Variants in IGF1R observed in about 807,000 individuals in gnomAD.
IGF1R encodes insulin like growth factor 1 receptor.
A neutral mutation model predicts 144.6 loss-of-function variants in IGF1R; 44 were observed. The ratio of observed to expected loss-of-function variants is 0.30; its 90% confidence interval spans 0.24 to 0.39. The LOEUF (loss-of-function observed/expected upper bound fraction) is 0.39, where lower values mean the gene tolerates loss of function less well. Ranked by LOEUF, IGF1R falls within the 10% of genes least tolerant of loss-of-function variation. IGF1R has a pLI of 1.00. For missense variants in IGF1R, 1,355 were observed against 1,833.7 expected (o/e 0.74, Z 4.77); for synonymous variants, 795 against 722.8 (o/e 1.10, Z -1.60).
chr15:98,671,162 A>T (rs879228441), intron 1 of IGF1R, among the ~76,000 whole-genome samples: 2 of 152,134 alleles, frequency 1.3e-5, no homozygotes, highest in African/African-American at 2.4e-5. Flanking sequence ...TCCCCCTCCA[A>T]ATCTGCATGT....
chr15:98,726,059 C>G (rs765356928), intron 2 of IGF1R, among the ~76,000 whole-genome samples: 9 of 152,184 alleles, frequency 5.9e-5, no homozygotes, highest in Admixed American at 2.0e-4. Context: ...GGACTGTGTT[C>G]GTGATCATGA....
At chr15:98,651,249 T>C (rs916005383) in intron 1 of IGF1R, among the ~76,000 whole-genome samples, 2 of 152,184 alleles carry the variant, frequency 1.3e-5, no homozygotes, top group African/African-American at 4.8e-5. Context: ...CTTAAACGTC[T>C]GGTAAGAAAT....
At chr15:98,820,840 TTACGGAA>T (rs1278310831) in intron 2 of IGF1R, 1 of 152,222 alleles carries the variant, frequency 6.6e-6, no homozygotes, top group African/African-American at 2.4e-5. Flanking sequence ...TACGTTTGAA[TTACGGAA>T]CACCTCTCTT....
At chr15:98,798,820 G>A (rs1246722113) in intron 2 of IGF1R, among the ~76,000 whole-genome samples, 1 of 152,148 alleles carries the variant, frequency 6.6e-6, no homozygotes, top group Non-Finnish European at 1.5e-5. Flanking sequence ...TATATGGGGG[G>A]TGAGATGGCA....
At chr15:98,719,789 C>T (rs2054204933) in intron 2 of IGF1R, among the ~76,000 whole-genome samples, 1 of 152,266 alleles carries the variant, frequency 6.6e-6, no homozygotes. Flanking sequence ...GGACTTGAGA[C>T]CCTTGACTTG....
rs1451794305 is a variant in IGF1R at position 98,924,583 on chromosome 15, A to G, written c.2681A>G (p.Asn894Ser). Reference sequence around the variant, plus strand: ...AGGAAGTATGGAGGGGCCAAGCTAAACCGGCTAAACCCGGGGAACTACACA... The same window carrying G: ...AGGAAGTATGGAGGGGCCAAGCTAAGCCGGCTAAACCCGGGGAACTACACA... ...EYRKYGGAKL[N>S]RLNPGNYTAR... The change falls in exon 13 of 21, where the codon AAC becomes AGC. Residue 894 changes from asparagine to serine, a missense_variant. Asn to Ser is a conservative substitution (Grantham distance 46). Transcript: ENST00000650285. 1 of 1,613,992 alleles carries G rather than the reference A, an allele frequency of 6.2e-7. No homozygotes were observed. Among genetic ancestry groups the G allele is most frequent in the South Asian group, 1.1e-5 (1 of 91,066 alleles).
intron 2 of IGF1R, among the ~76,000 whole-genome samples, chr15:98,743,577 A>G (rs916803949): frequency 2.6e-5 from 4 of 152,216 alleles, no homozygotes; most frequent in African/African-American, 9.7e-5. Flanking sequence ...AATAATGTGG[A>G]AAGGGTTTGG....
At chr15:98,939,490 T>C in intron 18 of IGF1R, 130 bp downstream of exon 18, 1 of 865,692 alleles carries the variant, frequency 1.2e-6, no homozygotes, top group South Asian at 1.4e-5. Context: ...TTCTTGGGAA[T>C]GATGTGATTG....
intron 2 of IGF1R, among the ~76,000 whole-genome samples, chr15:98,806,241 G>A (rs1423464318): frequency 1.3e-5 from 2 of 152,118 alleles, no homozygotes; most frequent in Non-Finnish European, 2.9e-5. Flanking sequence ...AGTGGCACAG[G>A]GCGAGGTGTG....
chr15:98,683,937 C>G (rs925297834), intron 1 of IGF1R, among the ~76,000 whole-genome samples: 11 of 152,134 alleles, frequency 7.2e-5, no homozygotes, highest in African/African-American at 2.7e-4. Flanking sequence ...GTCCTAATCA[C>G]CTGGCGGGCG....
chr15:98,726,755 T>C (rs2054371976), intron 2 of IGF1R, among the ~76,000 whole-genome samples: 1 of 150,082 alleles, frequency 6.7e-6, no homozygotes, highest in African/African-American at 2.5e-5. Context: ...GTCTTGCTCT[T>C]GTCACCCCGG....
intron 2 of IGF1R, among the ~76,000 whole-genome samples, chr15:98,766,474 T>C (rs945825473): frequency 9.8e-5 from 15 of 152,352 alleles, no homozygotes; most frequent in Non-Finnish European, 2.1e-4. Context: ...CTTTGATTCA[T>C]TGAAAGATAA....
intron 11 of IGF1R, among the ~76,000 whole-genome samples, chr15:98,922,634 C>T (rs1221221909): frequency 6.6e-6 from 1 of 152,224 alleles, no homozygotes; most frequent in Non-Finnish European, 1.5e-5. Context: ...TGACACCACT[C>T]CCAGCTTGGT....
intron 1 of IGF1R, among the ~76,000 whole-genome samples, chr15:98,693,968 G>A (rs2053540010): frequency 6.6e-6 from 1 of 152,192 alleles, no homozygotes; most frequent in Non-Finnish European, 1.5e-5. Flanking sequence ...CTGTACTTGT[G>A]CTATCCTAAA....
intron 18 of IGF1R, among the ~76,000 whole-genome samples, chr15:98,940,803 G>A (rs1184197128): frequency 3.9e-5 from 6 of 152,180 alleles, no homozygotes; most frequent in South Asian, 2.1e-4. Context: ...ACATCCCTCC[G>A]TCATCAGAGT....
chr15:98,668,540 T>C (rs569095717), intron 1 of IGF1R, among the ~76,000 whole-genome samples: 33 of 152,354 alleles, frequency 2.2e-4, no homozygotes, highest in African/African-American at 7.9e-4. Context: ...ACCCCAGTGC[T>C]TTCCTTAAAG....
intron 2 of IGF1R, among the ~76,000 whole-genome samples, chr15:98,802,073 A>G (rs1381977252): frequency 6.6e-6 from 1 of 152,006 alleles, no homozygotes; most frequent in Non-Finnish European, 1.5e-5. Flanking sequence ...GCCCCTTTTC[A>G]ACCTTGAGTG....
intron 1 of IGF1R, chr15:98,650,876 G>T (rs2052345923): frequency 1.0e-6 from 1 of 981,882 alleles, no homozygotes; most frequent in Non-Finnish European, 1.2e-6. Context: ...TTTTGGTGGT[G>T]TCGGGTGGGG....
intron 2 of IGF1R, among the ~76,000 whole-genome samples, chr15:98,719,175 A>G (rs2054189898): frequency 1.3e-5 from 2 of 152,202 alleles, no homozygotes; most frequent in Admixed American, 6.5e-5. Context: ...AAGCTTTAGA[A>G]GAGGTTTTAA....
Sources: gnomAD v4.1 joint callset for allele counts (sites outside exome capture counted in the v4.1 genomes callset) on GRCh38, gnomAD v4.1.1 for gene constraint, MANE v1.5 for transcripts, NCBI Gene and HGNC (gene_info 2026-07-23, HGNC 2026-07-21) for gene names.